ZNF644: variants seen among roughly 807,000 people sequenced by gnomAD.
ZNF644 encodes zinc finger motif enhancer binding protein 2.
In ZNF644, 20 loss-of-function variants were observed where a neutral mutation model predicts 108.0. That is an observed-to-expected ratio of 0.19 (90% CI 0.13 to 0.27). The LOEUF (loss-of-function observed/expected upper bound fraction) is 0.27. ZNF644 is among the 10% of genes least tolerant of loss of function. The probability of loss-of-function intolerance (pLI) is 1.00; values close to 1 mark genes in which losing one functional copy is unlikely to be tolerated. For synonymous variants in ZNF644, 542 were observed against 539.1 expected (o/e 1.01, Z -0.08); for missense variants, 1,338 against 1,548.9 (o/e 0.86, Z 2.29).
chr1:91,006,434 C>T (rs1284683500), intron 1 of ZNF644, among the ~76,000 whole-genome samples: 1 of 152,044 alleles, frequency 6.6e-6, no homozygotes, highest in African/African-American at 2.4e-5. Flanking sequence ...CAATCCATGA[C>T]CAGACTGCTT....
intron 4 of ZNF644, among the ~76,000 whole-genome samples, chr1:90,927,471 G>A (rs1031776379): frequency 6.6e-6 from 1 of 152,066 alleles, no homozygotes; most frequent in African/African-American, 2.4e-5. Flanking sequence ...TTATATCCAA[G>A]CTACTCAAGG....
intron 2 of ZNF644, 75 bp downstream of exon 2, chr1:90,982,235 A>G: frequency 2.4e-6 from 3 of 1,271,454 alleles, no homozygotes; most frequent in Non-Finnish European, 3.4e-6. Context: ...ACTCAACACC[A>G]CATTTTTAAG....
chr1:90,991,544 A>G (rs1657637027), intron 1 of ZNF644, among the ~76,000 whole-genome samples: 1 of 152,216 alleles, frequency 6.6e-6, no homozygotes, highest in Non-Finnish European at 1.5e-5. Flanking sequence ...AAGAGGTTTA[A>G]CTGACTCACA....
intron 4 of ZNF644, among the ~76,000 whole-genome samples, chr1:90,927,889 G>A (rs1650236388): frequency 6.6e-6 from 1 of 151,536 alleles, no homozygotes; most frequent in Admixed American, 6.6e-5. Flanking sequence ...TGTTGCCCAG[G>A]CTGGAGTGCA....
At chr1:90,947,365 A>G (rs1349220249) in intron 2 of ZNF644, among the ~76,000 whole-genome samples, 1 of 152,206 alleles carries the variant, frequency 6.6e-6, no homozygotes, top group Non-Finnish European at 1.5e-5. Context: ...TGAGTGATAT[A>G]TATGTAACTG....
At chr1:90,988,268 A>C (rs887330649) in intron 1 of ZNF644, among the ~76,000 whole-genome samples, 1 of 152,218 alleles carries the variant, frequency 6.6e-6, no homozygotes, top group Admixed American at 6.5e-5. Context: ...GAGCAATTTG[A>C]AAAAGAAATT....
intron 2 of ZNF644, among the ~76,000 whole-genome samples, chr1:90,961,223 G>C (rs936001615): frequency 2.6e-5 from 4 of 152,140 alleles, no homozygotes; most frequent in African/African-American, 9.7e-5. Context: ...GTACAGTATG[G>C]AAGGAAATGA....
intron 4 of ZNF644, among the ~76,000 whole-genome samples, chr1:90,930,675 A>G (rs998522393): frequency 1.3e-5 from 2 of 152,256 alleles, no homozygotes; most frequent in African/African-American, 4.8e-5. Context: ...AGAAAATATT[A>G]AAGTACATTT....
At chr1:90,990,331 A>G (rs1342774213) in intron 1 of ZNF644, among the ~76,000 whole-genome samples, 1 of 152,222 alleles carries the variant, frequency 6.6e-6, no homozygotes, top group Admixed American at 6.5e-5. Context: ...TAAAAGATAA[A>G]TATGAAGAGT....
chr1:90,968,399 T>C (rs1655139770), intron 2 of ZNF644, among the ~76,000 whole-genome samples: 1 of 152,204 alleles, frequency 6.6e-6, no homozygotes. Context: ...GCTTTTAAAC[T>C]GTATATAAGC....
chr1:90,925,600 T>C (rs1354545197), intron 4 of ZNF644, among the ~76,000 whole-genome samples: 2 of 147,810 alleles, frequency 1.4e-5, no homozygotes, highest in African/African-American at 2.5e-5. Context: ...CCCAAACATA[T>C]ATTAAAAAAA....
Position 90,916,744 on chromosome 1 carries a change from A to C in ZNF644, c.*54T>G. On this transcript the variant is annotated 3_prime_UTR_variant, in exon 6 of 6. Transcript: ENST00000337393. The stretch of plus-strand genomic sequence containing the variant: ...ATAATTTAATGTGGCTTAAAAAAAA[A>C]GAATTTCAAATTTACATCCAATTCA... The C allele has an allele frequency of 6.3e-7, 1 of 1,596,122 alleles. No homozygotes were observed. The highest frequency in any genetic ancestry group is 8.6e-7 in the Non-Finnish European group (1 of 1,165,586).
chr1:90,930,395 T>C (rs982523590), intron 4 of ZNF644, among the ~76,000 whole-genome samples: 1 of 152,210 alleles, frequency 6.6e-6, no homozygotes, highest in South Asian at 2.1e-4. Context: ...AATTTCCAAT[T>C]ACTTTAAGTC....
At chr1:90,943,462 T>C (rs1293550291) in intron 2 of ZNF644, among the ~76,000 whole-genome samples, 1 of 152,044 alleles carries the variant, frequency 6.6e-6, no homozygotes, top group East Asian at 1.9e-4. Context: ...AACAATAAAA[T>C]AATAAAATTG....
At chr1:90,944,110 T>TA (rs1652286910) in intron 2 of ZNF644, among the ~76,000 whole-genome samples, 1 of 152,212 alleles carries the variant, frequency 6.6e-6, no homozygotes, top group African/African-American at 2.4e-5. Context: ...GCTTCACTGT[T>TA]ACCACCTCAG....
intron 2 of ZNF644, among the ~76,000 whole-genome samples, chr1:90,966,160 AC>A: frequency 6.6e-6 from 1 of 152,288 alleles, no homozygotes; most frequent in East Asian, 1.9e-4. Context: ...AAATATACTT[AC>A]GGATCATTTC....
chr1:90,940,049 C>A lies in ZNF644; in HGVS notation c.1305G>T (p.Gly435=). Residue 435 remains glycine, a synonymous_variant, in exon 3 of 6, where the codon GGG becomes GGT. Transcript: ENST00000337393. The part of the protein sequence containing the change: ...LHRHMMYHLD[G]NSHFRHLNVP... ...CATTAAGATGGCGAAAGTGACTATT[C>A]CCATCTAAATGATACATCATATGCC... The A allele has an allele frequency of 6.2e-7, 1 of 1,614,036 alleles. No individual in the cohort carries two copies. The highest frequency in any genetic ancestry group is 8.5e-7 in the Non-Finnish European group (1 of 1,179,964).
chr1:90,967,707 A>G (rs79081799), intron 2 of ZNF644, among the ~76,000 whole-genome samples: 17,600 of 151,944 alleles, frequency 0.12, 1,050 homozygotes, highest in South Asian at 0.15. Context: ...GACACATTGC[A>G]TATTTCTGGG....
At chr1:91,005,368 C>CA in intron 1 of ZNF644, among the ~76,000 whole-genome samples, 1 of 152,054 alleles carries the variant, frequency 6.6e-6, no homozygotes, top group East Asian at 1.9e-4. Flanking sequence ...GAATATAATT[C>CA]AAAAATAATA....
Sources: gnomAD v4.1 joint callset for allele counts (sites outside exome capture counted in the v4.1 genomes callset) on GRCh38, gnomAD v4.1.1 for gene constraint, MANE v1.5 for transcripts, NCBI Gene and HGNC (gene_info 2026-07-23, HGNC 2026-07-21) for gene names.